RASGRF2: variants seen among roughly 807,000 people sequenced by gnomAD.
RASGRF2 encodes the protein Ras protein specific guanine nucleotide releasing factor 2, also known as ras-specific guanine nucleotide-releasing factor 2.
RASGRF2 carries 76 observed loss-of-function variants against 151.0 expected under a neutral mutation model. That is an observed-to-expected ratio of 0.50 (90% CI 0.42 to 0.61). The LOEUF (loss-of-function observed/expected upper bound fraction) is 0.61. RASGRF2 is among the 20% of genes least tolerant of loss of function. The probability of loss-of-function intolerance (pLI) is 0.00; values close to 1 mark genes in which losing one functional copy is unlikely to be tolerated. For synonymous variants in RASGRF2, 504 were observed against 566.5 expected (o/e 0.89, Z 1.57); for missense variants, 1,148 against 1,564.6 (o/e 0.73, Z 4.49).
At chr5:81,201,213 A>G in intron 18 of RASGRF2, 117 bp from the exon 19 acceptor site, 2 of 1,440,404 alleles carry the variant, frequency 1.4e-6, no homozygotes, top group Non-Finnish European at 1.8e-6. Context: ...TCTAGGGTCC[A>G]TACATTTTAA....
chr5:80,974,564 C>T (rs1020286743), intron 1 of RASGRF2, among the ~76,000 whole-genome samples: 3 of 152,182 alleles, frequency 2.0e-5, no homozygotes, highest in Non-Finnish European at 4.4e-5. Context: ...CAGAGGGACA[C>T]TAGCTACTTT....
chr5:81,169,599 T>C (rs1395095175), intron 17 of RASGRF2, among the ~76,000 whole-genome samples: 1 of 152,230 alleles, frequency 6.6e-6, no homozygotes, highest in African/African-American at 2.4e-5. Context: ...TAATCCACTT[T>C]GACATCTTAA....
rs11951593 is a variant in RASGRF2 at position 81,219,555 on chromosome 5, C to T, written c.3553-155C>T. The T allele has an allele frequency of 6.2e-3, 3,427 of 549,054 alleles. 92 individuals carry two copies. The highest frequency in any genetic ancestry group is 0.058 in the African/African-American group (2,940 of 50,934). 34.0% of individuals were successfully genotyped at this position (549,054 alleles called of 1,614,324 possible). ...GCCTCCTTGAGAGTCAAGAAAGCAC[C>T]AACCATAGGGAATGGTCAGGCAGGC... On this transcript the variant is annotated intron_variant, in intron 25 of 26. Coordinates refer to ENST00000265080, the MANE Select transcript of RASGRF2 (RefSeq NM_006909.3).
chr5:81,110,828 G>A (rs1044980937), intron 13 of RASGRF2, among the ~76,000 whole-genome samples: 1 of 152,174 alleles, frequency 6.6e-6, no homozygotes, highest in African/African-American at 2.4e-5. Context: ...AGTTGGTTGA[G>A]GGACACATAG....
chr5:80,993,148 G>C (rs6864352), intron 1 of RASGRF2, among the ~76,000 whole-genome samples: 4,313 of 152,146 alleles, frequency 0.028, 179 homozygotes, highest in African/African-American at 0.088. Context: ...TTTAGTGAAG[G>C]CTTTTCTATA....
At chr5:81,010,807 C>T (rs924002783) in intron 1 of RASGRF2, among the ~76,000 whole-genome samples, 5 of 152,222 alleles carry the variant, frequency 3.3e-5, no homozygotes, top group South Asian at 2.1e-4. Context: ...CCTAATCCTG[C>T]GCCTGTGGTT....
At chr5:81,061,153 A>C (rs915295808) in intron 2 of RASGRF2, among the ~76,000 whole-genome samples, 1 of 152,130 alleles carries the variant, frequency 6.6e-6, no homozygotes, top group Non-Finnish European at 1.5e-5. Flanking sequence ...TCCATTATGA[A>C]GATATATTAT....
intron 18 of RASGRF2, among the ~76,000 whole-genome samples, chr5:81,186,705 T>C (rs1755034271): frequency 6.6e-6 from 1 of 152,092 alleles, no homozygotes; most frequent in Non-Finnish European, 1.5e-5. Context: ...ACAACCACAC[T>C]CTAGTCACTC....
At chr5:81,038,590 T>C (rs1178544956) in intron 1 of RASGRF2, among the ~76,000 whole-genome samples, 3 of 117,966 alleles carry the variant, frequency 2.5e-5, no homozygotes, top group Non-Finnish European at 5.4e-5. Flanking sequence ...TTTTTTTTTT[T>C]GTAGAGATGG....
chr5:81,067,119 T>A (rs1010670095), intron 2 of RASGRF2, among the ~76,000 whole-genome samples: 1 of 152,216 alleles, frequency 6.6e-6, no homozygotes, highest in African/African-American at 2.4e-5. Flanking sequence ...TCTGTGAAGA[T>A]CAAATTCCTT....
intron 2 of RASGRF2, among the ~76,000 whole-genome samples, chr5:81,060,566 C>T (rs1000693448): frequency 6.6e-6 from 1 of 152,096 alleles, no homozygotes; most frequent in African/African-American, 2.4e-5. Context: ...ACTGTATAAG[C>T]TTCATAAAGA....
chr5:81,140,056 C>A (rs532937902), intron 17 of RASGRF2, among the ~76,000 whole-genome samples: 10 of 152,146 alleles, frequency 6.6e-5, no homozygotes, highest in Non-Finnish European at 1.2e-4. Context: ...CTCCAACCCC[C>A]GTCCTTAAGT....
chr5:81,152,089 C>A (rs1276089307), intron 17 of RASGRF2, among the ~76,000 whole-genome samples: 2 of 152,060 alleles, frequency 1.3e-5, no homozygotes, highest in Non-Finnish European at 2.9e-5. Flanking sequence ...GCAACCTCCG[C>A]CTCCCAGGTT....
At chr5:81,088,967 C>G (rs201257196) in intron 9 of RASGRF2, among the ~76,000 whole-genome samples, 6 of 114,316 alleles carry the variant, frequency 5.2e-5, no homozygotes, top group Non-Finnish European at 1.4e-4. Flanking sequence ...ATATTATTAT[C>G]ATGTTGATGT....
intron 5 of RASGRF2, among the ~76,000 whole-genome samples, chr5:81,078,369 T>C (rs2112473672): frequency 6.6e-6 from 1 of 152,320 alleles, no homozygotes; most frequent in East Asian, 1.9e-4. Context: ...GTTGTACCCA[T>C]TCACCAAACC....
chr5:81,074,471 C>T (rs1396231333), intron 5 of RASGRF2, among the ~76,000 whole-genome samples: 1 of 152,160 alleles, frequency 6.6e-6, no homozygotes, highest in Non-Finnish European at 1.5e-5. Context: ...TGTCTCTGTC[C>T]ACCCGATTCC....
chr5:81,085,910 AG>A lies in RASGRF2; in HGVS notation c.1271+1del. The A allele has an allele frequency of 6.2e-7, 1 of 1,614,140 alleles. No homozygotes were observed. The highest frequency in any genetic ancestry group is 8.5e-7 in the Non-Finnish European group (1 of 1,179,980). On this transcript the variant is annotated frameshift_variant and splice_region_variant, in exon 8 of 27. Transcript: ENST00000265080. LOFTEE classifies it high-confidence loss of function. ...FAKSKLEELS[R>X]VMHDEVSDTE... Reference sequence around the variant, plus strand: ...CAAATCAAAGCTAGAGGAACTATCCAGGTATGCCAAGAACTTATAACAAAGG... The same window carrying A: ...CAAATCAAAGCTAGAGGAACTATCCAGTATGCCAAGAACTTATAACAAAGG...
intron 2 of RASGRF2, among the ~76,000 whole-genome samples, chr5:81,054,964 G>A (rs1751146303): frequency 1.3e-5 from 2 of 152,142 alleles, no homozygotes; most frequent in African/African-American, 2.4e-5. Context: ...TGTGATTTTT[G>A]CACACTGATT....
At chr5:81,193,683 T>C (rs1021519171) in intron 18 of RASGRF2, among the ~76,000 whole-genome samples, 4 of 152,044 alleles carry the variant, frequency 2.6e-5, no homozygotes, top group African/African-American at 4.8e-5. Flanking sequence ...GCCCAGCTAA[T>C]TTTCGTATTT....
Sources: allele counts gnomAD v4.1 joint callset (sites outside exome capture counted in the v4.1 genomes callset), GRCh38; gene constraint gnomAD v4.1.1; transcripts MANE v1.5; gene names NCBI Gene and HGNC (gene_info 2026-07-23, HGNC 2026-07-21).